SPAG17: variants seen among roughly 807,000 people sequenced by gnomAD.
SPAG17 encodes the protein sperm-associated antigen 17.
SPAG17 carries 169 observed loss-of-function variants against 273.6 expected under a neutral mutation model. The ratio of observed to expected loss-of-function variants is 0.62; its 90% confidence interval spans 0.55 to 0.70. SPAG17 has a LOEUF of 0.70. Among genes scored for constraint, SPAG17 ranks in the 30% least tolerant of loss-of-function variants. The pLI is 0.00. For synonymous variants in SPAG17, 825 were observed against 873.2 expected (o/e 0.94, Z 0.97); for missense variants, 2,557 against 2,627.8 (o/e 0.97, Z 0.59).
At position 118,093,155 on chromosome 1, in the gene SPAG17, C is replaced by T; in HGVS notation, c.1173+1G>A. 1 of 1,612,190 alleles carries T rather than the reference C, an allele frequency of 6.2e-7. No homozygotes were observed. The highest frequency in any genetic ancestry group is 2.2e-5 in the East Asian group (1 of 44,848). On this transcript the variant is annotated splice_donor_variant, in intron 8 of 48. Coordinates refer to ENST00000336338, the MANE Select transcript of SPAG17 (RefSeq NM_206996.4). LOFTEE classifies it high-confidence loss of function. ...ACTAAAGACATTGAGCCCATGCCTA[C>T]CTCTGAAGTTGGCATGGCTTCTAAT...
At position 117,991,420 on chromosome 1, in the gene SPAG17, C is replaced by G; in HGVS notation, c.5470G>C (p.Val1824Leu). 6.3e-7 allele frequency: 1 copy of G among 1,584,834 alleles called. No individual in the cohort carries two copies. Among genetic ancestry groups the G allele is most frequent in the Admixed American group, 1.8e-5 (1 of 55,610 alleles). Residue 1824 changes from valine to leucine, a missense_variant, in exon 37 of 49, where the codon GTT becomes CTT. Transcript: ENST00000336338. ...RGNAADLLKL[V>L]MSFPKMEETT... is the part of the protein sequence containing the mutation. ...TATACAAGGCATTTTCTCACCATAACCAGCTTGAGGAGATCAGCAGCATTG... is the reference window on the plus strand; with the variant it reads ...TATACAAGGCATTTTCTCACCATAAGCAGCTTGAGGAGATCAGCAGCATTG...
chr1:118,043,347 A>G (rs1260959759), intron 20 of SPAG17, among the ~76,000 whole-genome samples: 1 of 152,238 alleles, frequency 6.6e-6, no homozygotes, highest in East Asian at 1.9e-4. Context: ...CCTAGCTCAC[A>G]TTAACTTAAA....
At chr1:118,141,253 G>C (rs535363100) in intron 3 of SPAG17, among the ~76,000 whole-genome samples, 34 of 152,266 alleles carry the variant, frequency 2.2e-4, no homozygotes, top group African/African-American at 7.9e-4. Flanking sequence ...ATAGACCTTT[G>C]AATATTTATG....
intron 35 of SPAG17, among the ~76,000 whole-genome samples, chr1:117,993,840 G>A (rs1011530078): frequency 1.3e-5 from 2 of 152,154 alleles, no homozygotes; most frequent in Admixed American, 1.3e-4. Context: ...GGACTTCATT[G>A]ATTCTTACCC....
intron 26 of SPAG17, among the ~76,000 whole-genome samples, chr1:118,027,323 C>CT (rs1647864637): frequency 6.6e-6 from 1 of 152,036 alleles, no homozygotes; most frequent in Admixed American, 6.6e-5. Context: ...TTAGTTTCTG[C>CT]TTTTTTGCGG....
chr1:118,060,775 T>G (rs147309096), intron 18 of SPAG17, among the ~76,000 whole-genome samples: 169 of 152,302 alleles, frequency 1.1e-3, no homozygotes, highest in Non-Finnish European at 1.9e-3. Flanking sequence ...TTCTGAAGGC[T>G]ACATTTGCTG....
At chr1:118,155,884 G>A (rs1042355149) in intron 1 of SPAG17, among the ~76,000 whole-genome samples, 5 of 152,188 alleles carry the variant, frequency 3.3e-5, no homozygotes, top group Non-Finnish European at 1.5e-5. Flanking sequence ...CCATCAGCAA[G>A]GAGTGTTGGT....
intron 3 of SPAG17, among the ~76,000 whole-genome samples, chr1:118,140,027 C>T (rs1034632432): frequency 6.6e-6 from 1 of 152,094 alleles, no homozygotes; most frequent in African/African-American, 2.4e-5. Flanking sequence ...TTAGCATATT[C>T]GCCCCCTTGC....
At chr1:118,110,239 A>G (rs753057315) in intron 4 of SPAG17, among the ~76,000 whole-genome samples, 2 of 152,346 alleles carry the variant, frequency 1.3e-5, no homozygotes, top group African/African-American at 4.8e-5. Context: ...TCACAAAACC[A>G]GTAATAATGA....
At chr1:117,960,133 TGTG>T (rs2101344202) in intron 48 of SPAG17, 1 of 151,156 alleles carries the variant, frequency 6.6e-6, no homozygotes, top group Non-Finnish European at 1.5e-5. Context: ...TGTGTGTGTG[TGTG>T]TGTGTGTGTG....
At chr1:118,056,818 A>G (rs1028974968) in intron 18 of SPAG17, among the ~76,000 whole-genome samples, 8 of 152,120 alleles carry the variant, frequency 5.3e-5, no homozygotes, top group African/African-American at 1.9e-4. Flanking sequence ...AAGGTAATGG[A>G]TATCTCAAAC....
intron 3 of SPAG17, among the ~76,000 whole-genome samples, chr1:118,131,010 A>C (rs918125948): frequency 2.0e-5 from 3 of 152,116 alleles, no homozygotes; most frequent in Admixed American, 6.5e-5. Context: ...GGAACTGACT[A>C]GTCTTTTCTC....
rs764392058 is a variant in SPAG17 at position 118,005,395 on chromosome 1, T to C, written c.4776+19A>G. 3 of 1,587,224 alleles carry C rather than the reference T, an allele frequency of 1.9e-6. No homozygotes were observed. The highest frequency in any genetic ancestry group is 2.4e-5 in the South Asian group (2 of 84,992). On this transcript the variant is annotated intron_variant, in intron 32 of 48. Transcript: ENST00000336338. ...AGCAAAGCCACAGGCTCTCTCTCCA[T>C]ACCAAAGGTGCACTTTACCTGAAAA...
chr1:118,176,635 C>T (rs983735746), intron 1 of SPAG17, among the ~76,000 whole-genome samples: 12 of 152,244 alleles, frequency 7.9e-5, no homozygotes, highest in African/African-American at 2.9e-4. Flanking sequence ...CGGTAATGGA[C>T]AAATAATCCA....
At chr1:118,046,546 T>C (rs1465129905) in intron 20 of SPAG17, among the ~76,000 whole-genome samples, 1 of 151,950 alleles carries the variant, frequency 6.6e-6, no homozygotes, top group African/African-American at 2.4e-5. Flanking sequence ...ATTGAAATGA[T>C]ATAACAAGTT....
Position 118,091,958 on chromosome 1 carries a change from C to G in SPAG17, c.1218G>C (p.Gln406His). The G allele has an allele frequency of 6.2e-7, 1 of 1,613,662 alleles. No homozygotes were observed. The highest frequency in any genetic ancestry group is 8.5e-7 in the Non-Finnish European group (1 of 1,179,638). ...GTGGTGGAGCTTGCGGTTCTTCATA[C>G]TGTGCTTTCTTCTTTCCAGGAGCTG... ...AVPAPGKKKAQYEEPQAPPPV... is the reference protein window; with the variant it reads ...AVPAPGKKKAHYEEPQAPPPV... The change falls in exon 9 of 49, where the codon CAG becomes CAC. Residue 406 changes from glutamine to histidine, a missense_variant. Transcript: ENST00000336338.
chr1:118,099,082 CT>C, intron 6 of SPAG17, among the ~76,000 whole-genome samples: 1 of 152,168 alleles, frequency 6.6e-6, no homozygotes, highest in East Asian at 1.9e-4. Flanking sequence ...AGATGAAGAC[CT>C]CAAGGCTCAA....
Position 118,081,587 on chromosome 1 carries a change from G to A in SPAG17, c.1818C>T (p.Ser606=), listed in dbSNP as rs201822524. The part of the protein sequence containing the change: ...ERAFKVFTFE[S]LKLSEVDEKG... The stretch of plus-strand genomic sequence containing the variant: ...TTTCATCAACCTCAGAGAGCTTCAG[G>A]CTCTCAAAAGTAAACACCTTGAAGG... The change falls in exon 14 of 49, where the codon AGC becomes AGT. Residue 606 remains serine (S), a synonymous_variant. Transcript: ENST00000336338. 47 of 1,613,790 alleles carry A rather than the reference G, an allele frequency of 2.9e-5. No homozygotes were observed. Among genetic ancestry groups the A allele is most frequent in the Non-Finnish European group, 3.8e-5 (45 of 1,179,970 alleles).
At chr1:118,060,295 T>C (rs532465128) in intron 18 of SPAG17, among the ~76,000 whole-genome samples, 14 of 152,252 alleles carry the variant, frequency 9.2e-5, no homozygotes, top group African/African-American at 3.4e-4. Context: ...AAAACACATA[T>C]TTGTAGAAGT....
Sources: gnomAD v4.1 joint callset for allele counts (sites outside exome capture counted in the v4.1 genomes callset) on GRCh38, gnomAD v4.1.1 for gene constraint, MANE v1.5 for transcripts, NCBI Gene and HGNC (gene_info 2026-07-23, HGNC 2026-07-21) for gene names.